Variants in CSMD3 observed in about 807,000 individuals in gnomAD.
CSMD3 encodes CUB and sushi domain-containing protein 3.
CSMD3 carries 177 observed loss-of-function variants against 435.2 expected under a neutral mutation model. The ratio of observed to expected loss-of-function variants is 0.41; its 90% CI spans 0.36 to 0.46. The LOEUF is 0.46. CSMD3 is among the 20% of genes least tolerant of loss of function. The probability of loss-of-function intolerance (pLI) is 0.34; values close to 1 mark genes in which losing one functional copy is unlikely to be tolerated. For missense variants in CSMD3, 4,265 were observed against 4,504.6 expected (o/e 0.95, Z 1.52); for synonymous variants, 1,656 against 1,520.5 (o/e 1.09, Z -2.07).
chr8:113,166,858 T>C (rs917937653), intron 4 of CSMD3, among the ~76,000 whole-genome samples: 2 of 152,130 alleles, frequency 1.3e-5, no homozygotes, highest in African/African-American at 4.8e-5. Context: ...AGTATGTTTG[T>C]CCTCTTTTGG....
chr8:112,983,612 T>C (rs1342311884), intron 6 of CSMD3, among the ~76,000 whole-genome samples: 1 of 151,064 alleles, frequency 6.6e-6, no homozygotes, highest in Non-Finnish European at 1.5e-5. Flanking sequence ...ATTATTAAGT[T>C]TTCTTCCCTT....
At chr8:112,615,455 T>A (rs1402189217) in intron 22 of CSMD3, among the ~76,000 whole-genome samples, 1 of 152,144 alleles carries the variant, frequency 6.6e-6, no homozygotes, top group Non-Finnish European at 1.5e-5. Flanking sequence ...GAGTTTTTTT[T>A]ATCTTTCCAG....
intron 28 of CSMD3, among the ~76,000 whole-genome samples, chr8:112,511,325 C>T (rs1222982026): frequency 6.6e-6 from 1 of 150,974 alleles, no homozygotes; most frequent in Non-Finnish European, 1.5e-5. Context: ...ATGTTGATGG[C>T]TGCTAACTGA....
chr8:112,364,131 A>G (rs926374107), intron 38 of CSMD3, among the ~76,000 whole-genome samples: 1 of 152,050 alleles, frequency 6.6e-6, no homozygotes, highest in Non-Finnish European at 1.5e-5. Flanking sequence ...AGTAAAAATA[A>G]TAACAGTTAT....
At chr8:112,491,458 C>G (rs918394970) in intron 31 of CSMD3, among the ~76,000 whole-genome samples, 3 of 151,826 alleles carry the variant, frequency 2.0e-5, no homozygotes, top group Non-Finnish European at 4.4e-5. Flanking sequence ...AGTTTGAGAC[C>G]AGCCTGAGCA....
At chr8:112,319,702 A>G (rs974555901) in intron 46 of CSMD3, among the ~76,000 whole-genome samples, 199 bp downstream of exon 46, 1 of 152,146 alleles carries the variant, frequency 6.6e-6, no homozygotes. Context: ...TTCCAGAAAA[A>G]CAAAATTAAT....
chr8:112,886,130 T>G (rs1419219024), intron 10 of CSMD3, among the ~76,000 whole-genome samples: 1 of 151,700 alleles, frequency 6.6e-6, no homozygotes, highest in Non-Finnish European at 1.5e-5. Context: ...TTTCTGATGT[T>G]GATTTAGGAT....
At chr8:112,555,723 T>C (rs1360849396) in intron 25 of CSMD3, among the ~76,000 whole-genome samples, 1 of 151,952 alleles carries the variant, frequency 6.6e-6, no homozygotes, top group Non-Finnish European at 1.5e-5. Context: ...TAACTAGAAT[T>C]TCATATTTTC....
intron 53 of CSMD3, among the ~76,000 whole-genome samples, chr8:112,299,049 A>G (rs1820641308): frequency 6.6e-6 from 1 of 152,190 alleles, no homozygotes; most frequent in African/African-American, 2.4e-5. Flanking sequence ...CAAATTACAG[A>G]TATGCACAAC....
intron 32 of CSMD3, among the ~76,000 whole-genome samples, chr8:112,427,056 G>T (rs1260366931): frequency 2.6e-5 from 4 of 151,994 alleles, no homozygotes; most frequent in Admixed American, 1.3e-4. Context: ...AATATAAATT[G>T]AGCTACCACA....
chr8:112,314,948 C>CT (rs1445671582), intron 47 of CSMD3, among the ~76,000 whole-genome samples: 3 of 152,030 alleles, frequency 2.0e-5, no homozygotes, highest in African/African-American at 7.2e-5. Context: ...TCTCCCACCT[C>CT]TGCCTGTCTT....
intron 13 of CSMD3, among the ~76,000 whole-genome samples, chr8:112,735,686 G>A (rs1434709765): frequency 6.6e-6 from 1 of 151,922 alleles, no homozygotes; most frequent in African/African-American, 2.4e-5. Flanking sequence ...CTTTCAAAGG[G>A]AGGCCTTGGT....
At chr8:113,339,100 A>G (rs2094099077) in intron 1 of CSMD3, among the ~76,000 whole-genome samples, 1 of 151,958 alleles carries the variant, frequency 6.6e-6, no homozygotes, top group Non-Finnish European at 1.5e-5. Flanking sequence ...TTCTTTATCC[A>G]TATAACAGAA....
intron 5 of CSMD3, among the ~76,000 whole-genome samples, chr8:113,033,964 A>G (rs1171900992): frequency 1.3e-5 from 2 of 151,344 alleles, no homozygotes; most frequent in Non-Finnish European, 3.0e-5. Context: ...TTTCCCCTGT[A>G]TACTCTCTCT....
At chr8:112,330,948 C>T (rs754889904) in intron 45 of CSMD3, among the ~76,000 whole-genome samples, 10 of 151,958 alleles carry the variant, frequency 6.6e-5, no homozygotes, top group Non-Finnish European at 1.5e-4. Flanking sequence ...TGAACTCCAG[C>T]CAGCCCTTCT....
chr8:112,690,014 G>A lies in CSMD3; in HGVS notation c.2009C>T (p.Pro670Leu), dbSNP rs2131825203. The change falls in exon 14 of 71, where the codon CCC becomes CTC. Residue 670 changes from proline (P) to leucine (L), a missense_variant. Coordinates refer to ENST00000297405, the MANE Select transcript of CSMD3 (RefSeq NM_198123.2). ...ATCGCCTTCTCTAATTCCATATAAG[G>A]GTGTACCAGGATCACCACAACTTTC... Reference protein sequence around the residue: ...EKESCGDPGTPLYGIREGDGF... With the variant: ...EKESCGDPGTLLYGIREGDGF... 1 of 1,612,936 alleles carries A rather than the reference G, an allele frequency of 6.2e-7. No homozygotes were observed. Among genetic ancestry groups the A allele is most frequent in the Non-Finnish European group, 8.5e-7 (1 of 1,179,356 alleles).
At position 113,266,338 on chromosome 8, in the gene CSMD3, T is replaced by G. The variant is rs529138283; in HGVS notation, c.514+12254A>C. On this transcript the variant is annotated intron_variant, in intron 3 of 70. Transcript: ENST00000297405. ...CAAAGATTATATAAGTCATGCATAA[T>G]ATTTGCAAGGGTGTATTTTGCATTT... is the stretch of plus-strand genomic sequence containing the variant. 4.0e-5 allele frequency among the ~76,000 whole-genome samples: 6 copies of G among 151,522 alleles called. No homozygotes were observed. In the South Asian group the frequency reaches 1.0e-3, roughly 26 times the overall value.
chr8:112,384,312 T>C (rs1198831459), intron 36 of CSMD3, among the ~76,000 whole-genome samples: 1 of 152,220 alleles, frequency 6.6e-6, no homozygotes, highest in East Asian at 1.9e-4. Context: ...AGAGTTATAG[T>C]AACTACGTCA....
At chr8:112,512,290 C>T (rs955395548) in intron 28 of CSMD3, among the ~76,000 whole-genome samples, 1 of 152,270 alleles carries the variant, frequency 6.6e-6, no homozygotes, top group African/African-American at 2.4e-5. Context: ...AAATATATTT[C>T]TTAAATAATG....
Sources: allele counts gnomAD v4.1 joint callset (sites outside exome capture counted in the v4.1 genomes callset), GRCh38; gene constraint gnomAD v4.1.1; transcripts MANE v1.5; gene names NCBI Gene and HGNC (gene_info 2026-07-23, HGNC 2026-07-21).